Variants in MTX2 observed in about 807,000 individuals in gnomAD.
MTX2 encodes the protein metaxin 2.
A neutral mutation model predicts 42.3 loss-of-function variants in MTX2; 35 were observed. The observed-to-expected ratio is 0.83, with a 90% confidence interval of 0.63 to 1.10. MTX2 has a LOEUF of 1.10. Ranked by LOEUF, MTX2 falls within the 50% of genes least tolerant of loss-of-function variation. MTX2 has a pLI of 0.00. For synonymous variants in MTX2, 119 were observed against 100.9 expected, an observed-to-expected ratio of 1.18 and a Z score of -1.08; for missense variants, 307 against 304.1, an observed-to-expected ratio of 1.01 and a Z score of -0.07.
chr2:176,336,477 A>G (rs913008325), intron 9 of MTX2, among the ~76,000 whole-genome samples: 1 of 152,124 alleles, frequency 6.6e-6, no homozygotes, highest in Non-Finnish European at 1.5e-5. Flanking sequence ...TTGTGCTTTG[A>G]CAGCATTTTG....
At chr2:176,282,137 T>G (rs954637157) in intron 1 of MTX2, among the ~76,000 whole-genome samples, 1 of 138,876 alleles carries the variant, frequency 7.2e-6, no homozygotes, top group South Asian at 2.4e-4. Context: ...TTTTTTTTTT[T>G]TTTTTTTTTT....
At chr2:176,329,057 A>G in intron 7 of MTX2, 145 bp downstream of exon 7, 1 of 888,708 alleles carries the variant, frequency 1.1e-6, no homozygotes, top group Non-Finnish European at 1.7e-6. Context: ...TTTTGCTTGC[A>G]CATAACATTT....
At chr2:176,316,031 A>G (rs1023793913) in intron 3 of MTX2, among the ~76,000 whole-genome samples, 4 of 152,164 alleles carry the variant, frequency 2.6e-5, no homozygotes, top group Admixed American at 2.0e-4. Flanking sequence ...AAGGACTAAG[A>G]CTTTATGTTG....
chr2:176,305,464 C>T (rs560926288), intron 3 of MTX2, among the ~76,000 whole-genome samples: 49 of 152,058 alleles, frequency 3.2e-4, no homozygotes, highest in Admixed American at 2.1e-3. Context: ...TCTGTACTTT[C>T]GACTATTTTA....
intron 5 of MTX2, among the ~76,000 whole-genome samples, chr2:176,327,424 G>C (rs146978668): frequency 1.3e-5 from 2 of 150,934 alleles, no homozygotes; most frequent in South Asian, 2.1e-4. Context: ...GATCATACTA[G>C]TGTGTATTAT....
At chr2:176,320,626 A>C (rs1222120541) in intron 3 of MTX2, among the ~76,000 whole-genome samples, 1 of 152,046 alleles carries the variant, frequency 6.6e-6, no homozygotes, top group Non-Finnish European at 1.5e-5. Context: ...TTACAGTGGA[A>C]AAAGTGTCCT....
At chr2:176,329,834 C>T (rs1018220072) in intron 8 of MTX2, among the ~76,000 whole-genome samples, 1 of 148,582 alleles carries the variant, frequency 6.7e-6, no homozygotes, top group African/African-American at 2.5e-5. Context: ...TATAGATCTG[C>T]AGCATCAGGG....
intron 6 of MTX2, 123 bp downstream of exon 6, chr2:176,328,508 G>A: frequency 3.3e-6 from 2 of 606,262 alleles, no homozygotes; most frequent in South Asian, 3.7e-5. Flanking sequence ...CTAGAGTTGA[G>A]TTGGCTACCT....
intron 1 of MTX2, among the ~76,000 whole-genome samples, chr2:176,287,072 A>G (rs1259202058): frequency 6.6e-6 from 1 of 152,206 alleles, no homozygotes; most frequent in Non-Finnish European, 1.5e-5. Flanking sequence ...TATACCAGAT[A>G]ATATTGTCAT....
chr2:176,290,122 C>T (rs1156605480), intron 1 of MTX2, among the ~76,000 whole-genome samples: 1 of 152,046 alleles, frequency 6.6e-6, no homozygotes, highest in Non-Finnish European at 1.5e-5. Context: ...GGCATTTAAA[C>T]TTGGTTGAGA....
chr2:176,309,281 T>C (rs1028199255), intron 3 of MTX2, among the ~76,000 whole-genome samples: 2 of 152,238 alleles, frequency 1.3e-5, no homozygotes, highest in African/African-American at 4.8e-5. Flanking sequence ...TTCAGTTCTT[T>C]TACATTTGCT....
chr2:176,278,052 T>G (rs977838234), intron 1 of MTX2, among the ~76,000 whole-genome samples: 2 of 134,148 alleles, frequency 1.5e-5, no homozygotes, highest in African/African-American at 2.9e-5. Flanking sequence ...TTTTTTTTTT[T>G]TTTTTTTTTT....
intron 3 of MTX2, among the ~76,000 whole-genome samples, chr2:176,311,671 C>CACT (rs1275008481): frequency 6.6e-6 from 1 of 152,210 alleles, no homozygotes; most frequent in African/African-American, 2.4e-5. Context: ...GCTGTGCTAG[C>CACT]AGTGAGCAAG....
intron 7 of MTX2, 144 bp downstream of exon 7, chr2:176,329,056 C>A: frequency 1.1e-6 from 1 of 884,674 alleles, no homozygotes; most frequent in Non-Finnish European, 1.7e-6. Context: ...ATTTTGCTTG[C>A]ACATAACATT....
intron 3 of MTX2, among the ~76,000 whole-genome samples, chr2:176,298,115 A>ATT (rs959350113): frequency 1.4e-5 from 2 of 144,886 alleles, no homozygotes; most frequent in Non-Finnish European, 3.0e-5. Flanking sequence ...ATAAACATAA[A>ATT]TTTTTTTTTT....
At chr2:176,305,460 C>T (rs1019396231) in intron 3 of MTX2, among the ~76,000 whole-genome samples, 2 of 152,034 alleles carry the variant, frequency 1.3e-5, no homozygotes, top group African/African-American at 4.8e-5. Context: ...TCTTTCTGTA[C>T]TTTCGACTAT....
intron 4 of MTX2, among the ~76,000 whole-genome samples, chr2:176,323,767 A>G (rs188180763): frequency 3.3e-5 from 5 of 151,838 alleles, no homozygotes; most frequent in Admixed American, 2.0e-4. Context: ...GTCTTAATGT[A>G]CATAAGACTT....
At chr2:176,313,460 TTGGCTCA>T (rs1174014707) in intron 3 of MTX2, among the ~76,000 whole-genome samples, 33 of 150,292 alleles carry the variant, frequency 2.2e-4, no homozygotes, top group Admixed American at 1.9e-3. Flanking sequence ...TGGTGTGATC[TTGGCTCA>T]CTGCAACTTC....
At chr2:176,336,180 A>G (rs1684982933) in intron 9 of MTX2, among the ~76,000 whole-genome samples, 2 of 152,126 alleles carry the variant, frequency 1.3e-5, no homozygotes, top group African/African-American at 2.4e-5. Flanking sequence ...TTATGATGAC[A>G]TTTTCTTGTT....
Sources: gnomAD v4.1 joint callset for allele counts (sites outside exome capture counted in the v4.1 genomes callset) on GRCh38, gnomAD v4.1.1 for gene constraint, MANE v1.5 for transcripts, NCBI Gene and HGNC (gene_info 2026-07-23, HGNC 2026-07-21) for gene names.